TRMT11: variants seen among roughly 807,000 people sequenced by gnomAD.
TRMT11 encodes tRNA (guanine(10)-N(2))-methyltransferase TRMT11.
In TRMT11, 53 loss-of-function variants were observed where a neutral mutation model predicts 62.8. That is an observed-to-expected ratio of 0.84 (90% CI 0.68 to 1.06). TRMT11 has a LOEUF of 1.06. Among genes scored for constraint, TRMT11 ranks in the 50% least tolerant of loss-of-function variants. The pLI is 0.00. For synonymous variants in TRMT11, 188 were observed against 190.3 expected, an observed-to-expected ratio of 0.99 and a Z score of 0.10; for missense variants, 556 against 553.4, an observed-to-expected ratio of 1.00 and a Z score of -0.05.
chr6:126,047,687 A>C (rs1341489431), intron 16 of TRMT11, among the ~76,000 whole-genome samples: 1 of 152,186 alleles, frequency 6.6e-6, no homozygotes, highest in East Asian at 1.9e-4. Context: ...ATCGTAACAC[A>C]GTCCTAGATG....
the TRMT11 span, among the ~76,000 whole-genome samples, chr6:126,268,301 G>T: frequency 3.2e-4 from 49 of 152,282 alleles, no homozygotes; most frequent in African/African-American, 1.2e-3. Context: ...ATCAGACTGT[G>T]CAGAGCAGTG....
At chr6:126,199,509 A>G (rs935745015) in intron 2 of TRMT11, among the ~76,000 whole-genome samples, 1 of 152,246 alleles carries the variant, frequency 6.6e-6, no homozygotes, top group African/African-American at 2.4e-5. Context: ...CAAATGTGTT[A>G]GACTCATCCA....
At chr6:126,156,328 C>G (rs1159928584) in intron 21 of TRMT11, among the ~76,000 whole-genome samples, 1 of 152,140 alleles carries the variant, frequency 6.6e-6, no homozygotes. Context: ...GGGGCTCCAC[C>G]CCACATTTCC....
chr6:126,174,994 G>C (rs1778369349), upstream of TRMT11, among the ~76,000 whole-genome samples: 1 of 152,154 alleles, frequency 6.6e-6, no homozygotes, highest in African/African-American at 2.4e-5. Context: ...ATCAAAAGGA[G>C]CATATTGTAT....
chr6:126,053,888 G>A (rs151299890), intron 17 of TRMT11, among the ~76,000 whole-genome samples: 1 of 152,180 alleles, frequency 6.6e-6, no homozygotes, highest in African/African-American at 2.4e-5. Flanking sequence ...TGGAAGTTGC[G>A]TGATCATGTC....
Position 126,181,979 on chromosome 6 carries a change from G to A in TRMT11, n.143+4644G>A, listed in dbSNP as rs375587841. ...ATTTCAAGATAAAACTCCTTGGTCT[G>A]AAAAGACAGATTCAAAAGAAATTGT... On this transcript the variant is annotated intron_variant and non_coding_transcript_variant, in intron 1 of 3. Coordinates refer to the TRMT11 transcript ENST00000444229. Among the ~76,000 whole-genome samples, 15 of 152,276 alleles carry A rather than the reference G, an allele frequency of 9.9e-5. No homozygotes were observed. In the South Asian group the frequency reaches 1.7e-3, roughly 17 times the overall value.
chr6:126,270,382 G>T, the TRMT11 span, among the ~76,000 whole-genome samples: 12 of 152,118 alleles, frequency 7.9e-5, no homozygotes, highest in African/African-American at 2.7e-4. Flanking sequence ...ATTAAAATTG[G>T]TTGTAACAAA....
chr6:126,111,914 C>G (rs1030107876), intron 17 of TRMT11, among the ~76,000 whole-genome samples: 2 of 152,040 alleles, frequency 1.3e-5, no homozygotes, highest in Non-Finnish European at 2.9e-5. Context: ...TAGTGTGGCT[C>G]TGAATCTTAA....
intron 21 of TRMT11, among the ~76,000 whole-genome samples, chr6:126,137,074 G>A (rs557520245): frequency 6.8e-4 from 103 of 151,850 alleles, no homozygotes; most frequent in African/African-American, 2.3e-3. Flanking sequence ...ATTGGACTTA[G>A]CAAAGATTTT....
At chr6:126,014,807 T>A (rs1022084039) in intron 11 of TRMT11, among the ~76,000 whole-genome samples, 5 of 152,176 alleles carry the variant, frequency 3.3e-5, no homozygotes, top group Admixed American at 6.5e-5. Flanking sequence ...CTTTTAGAAA[T>A]GAGGAAACTT....
rs1562334769 is a variant in TRMT11, at chr6:126,151,834, C to CTTTCTTTCTTTCTTTCTTTCTTTG, written c.*1824-22968_*1824-22967insGTTTCTTTCTTTCTTTCTTTCTTT. ...TCTTTCTTTCTTTCTTTCTTTCTTT[C>CTTTCTTTCTTTCTTTCTTTCTTTG]TTTCTTTCTTTCTTTCTTTCTTTCT... On this transcript the variant is annotated intron_variant and NMD_transcript_variant, in intron 21 of 22. Transcript: ENST00000648977. 4.4e-3 allele frequency among the ~76,000 whole-genome samples: 535 copies of CTTTCTTTCTTTCTTTCTTTCTTTG among 121,258 alleles called. 12 individuals are homozygous for CTTTCTTTCTTTCTTTCTTTCTTTG. The highest frequency in any genetic ancestry group is 0.018 in the African/African-American group (524 of 28,946). 79.5% of individuals were successfully genotyped at this position (121,258 alleles called of 152,430 possible).
At chr6:126,183,463 G>T (rs548990964) in intron 1 of TRMT11, among the ~76,000 whole-genome samples, 2 of 152,126 alleles carry the variant, frequency 1.3e-5, no homozygotes, top group African/African-American at 2.4e-5. Context: ...GAAACAATTG[G>T]TAGGTCCCCA....
intron 17 of TRMT11, among the ~76,000 whole-genome samples, chr6:126,084,374 G>A (rs183776627): frequency 3.9e-5 from 6 of 152,164 alleles, no homozygotes; most frequent in Admixed American, 3.9e-4. Context: ...ACACCCATTG[G>A]CTATTTTTAT....
intron 21 of TRMT11, among the ~76,000 whole-genome samples, chr6:126,141,483 G>C (rs1056886123): frequency 4.6e-5 from 7 of 152,084 alleles, no homozygotes; most frequent in African/African-American, 1.7e-4. Flanking sequence ...GAATATATAG[G>C]TTGTACTGCT....
chr6:126,266,588 T>C, the TRMT11 span, among the ~76,000 whole-genome samples: 1 of 152,198 alleles, frequency 6.6e-6, no homozygotes, highest in Non-Finnish European at 1.5e-5. Flanking sequence ...TTGGGGTTCC[T>C]TTTTATAAAA....
chr6:126,206,667 T>C (rs1045706758), downstream of TRMT11, among the ~76,000 whole-genome samples: 1 of 152,260 alleles, frequency 6.6e-6, no homozygotes, highest in African/African-American at 2.4e-5. Context: ...TAATAACTCA[T>C]ACAACTCTTT....
chr6:126,232,561 C>T, the TRMT11 span, among the ~76,000 whole-genome samples: 1 of 152,084 alleles, frequency 6.6e-6, no homozygotes, highest in Non-Finnish European at 1.5e-5. Context: ...GGCAGGGGTC[C>T]TTGTTCACCC....
chr6:126,049,935 CT>C (rs577130201), intron 16 of TRMT11, among the ~76,000 whole-genome samples: 52 of 152,232 alleles, frequency 3.4e-4, no homozygotes, highest in African/African-American at 1.2e-3. Context: ...ACTAACTAGA[CT>C]TAACTAGAGG....
rs542939688 is a variant in TRMT11 at position 126,154,009 on chromosome 6, C to T, written c.*1824-20816C>T. 2.6e-5 allele frequency among the ~76,000 whole-genome samples: 4 copies of T among 152,258 alleles called. No individual in the cohort carries two copies. The East Asian group carries it at 7.7e-4, about 29-fold the overall frequency. The stretch of plus-strand genomic sequence containing the variant: ...CATGTGCGGTCTTACGTGTTTGAGA[C>T]CAGATGCCAGGCATATTTATTCCAC... On this transcript the variant is annotated intron_variant and NMD_transcript_variant, in intron 21 of 22. Coordinates refer to the TRMT11 transcript ENST00000648977.
Sources: gnomAD v4.1 joint callset for allele counts (sites outside exome capture counted in the v4.1 genomes callset) on GRCh38, gnomAD v4.1.1 for gene constraint, MANE v1.5 for transcripts, NCBI Gene and HGNC (gene_info 2026-07-23, HGNC 2026-07-21) for gene names.